The following ARHGAP26 variants were observed in gnomAD, a reference collection of about 807,000 sequenced individuals.
ARHGAP26 encodes the protein rho GTPase-activating protein 26.
Under a neutral mutation model 104.8 loss-of-function variants are expected in ARHGAP26, and 38 were observed. The ratio of observed to expected loss-of-function variants is 0.36; its 90% CI spans 0.28 to 0.48. The LOEUF (loss-of-function observed/expected upper bound fraction) is 0.48. Ranked by LOEUF, ARHGAP26 falls within the 20% of genes least tolerant of loss-of-function variation. The pLI is 0.99. For synonymous variants in ARHGAP26, 341 were observed against 340.0 expected (o/e 1.00, Z -0.03); for missense variants, 704 against 947.9 (o/e 0.74, Z 3.38).
At chr5:142,954,574 A>C (rs1768911119) in intron 11 of ARHGAP26, among the ~76,000 whole-genome samples, 2 of 152,092 alleles carry the variant, frequency 1.3e-5, no homozygotes, top group African/African-American at 4.8e-5. Context: ...CTTCTCATCC[A>C]GCATCTCTAC....
chr5:143,195,135 CTCTT>C (rs1420639193), intron 20 of ARHGAP26, among the ~76,000 whole-genome samples: 4 of 152,246 alleles, frequency 2.6e-5, no homozygotes, highest in African/African-American at 9.6e-5. Context: ...AAGTTCATCT[CTCTT>C]TCTCTCTCTG....
At chr5:142,844,961 C>G (rs1276249379) in intron 1 of ARHGAP26, among the ~76,000 whole-genome samples, 1 of 152,102 alleles carries the variant, frequency 6.6e-6, no homozygotes, top group Non-Finnish European at 1.5e-5. Flanking sequence ...TTAACTGAGA[C>G]CAGCACGTGT....
chr5:143,057,617 T>C (rs747451515), intron 16 of ARHGAP26, 25 bp from the exon 17 acceptor site: 2 of 1,598,952 alleles, frequency 1.3e-6, no homozygotes, highest in South Asian at 1.1e-5. Flanking sequence ...ACTGATAAGA[T>C]ATTACCTCCC....
chr5:142,790,308 A>G (rs910554632), intron 1 of ARHGAP26, among the ~76,000 whole-genome samples: 8 of 152,154 alleles, frequency 5.3e-5, no homozygotes, highest in African/African-American at 1.9e-4. Flanking sequence ...ATAGTTGGTG[A>G]CCACAGTGTT....
At chr5:143,054,586 A>T (rs777863004) in intron 15 of ARHGAP26, 60 bp downstream of exon 15, 73 of 1,303,532 alleles carry the variant, frequency 5.6e-5, no homozygotes, top group Admixed American at 4.6e-4. Flanking sequence ...TCAGGAAGAA[A>T]GCAGTTTTAT....
intron 20 of ARHGAP26, among the ~76,000 whole-genome samples, chr5:143,183,437 A>G (rs1804692173): frequency 6.6e-6 from 1 of 152,134 alleles, no homozygotes; most frequent in Non-Finnish European, 1.5e-5. Flanking sequence ...GTTAACTCTT[A>G]GTACTATTAG....
At chr5:142,858,057 G>GA (rs1490749726) in intron 1 of ARHGAP26, among the ~76,000 whole-genome samples, 1 of 143,802 alleles carries the variant, frequency 7.0e-6, no homozygotes, top group Admixed American at 6.9e-5. Context: ...GAGAGAGAGA[G>GA]AATCTGTGTG....
At chr5:142,901,783 A>AG (rs1417612134) in intron 6 of ARHGAP26, 152 bp from the exon 7 acceptor site, 3 of 617,364 alleles carry the variant, frequency 4.9e-6, no homozygotes, top group Non-Finnish European at 8.6e-6. Context: ...GGAAGGGCAT[A>AG]GTGCCTGGCA....
chr5:142,930,170 C>G (rs1764507176), intron 10 of ARHGAP26, among the ~76,000 whole-genome samples: 1 of 152,202 alleles, frequency 6.6e-6, no homozygotes, highest in African/African-American at 2.4e-5. Flanking sequence ...CTTGAGAGTT[C>G]TGCAATAGAC....
At chr5:143,176,499 T>G (rs1217553077) in intron 20 of ARHGAP26, among the ~76,000 whole-genome samples, 1 of 152,204 alleles carries the variant, frequency 6.6e-6, no homozygotes, top group Non-Finnish European at 1.5e-5. Context: ...CCTCCTCTGG[T>G]TCTTCTTCCT....
chr5:142,888,483 T>A (rs975839808), intron 5 of ARHGAP26, among the ~76,000 whole-genome samples: 5 of 152,238 alleles, frequency 3.3e-5, no homozygotes, highest in African/African-American at 1.2e-4. Context: ...TATGTATTGA[T>A]CATTTTCTTC....
chr5:142,850,372 GCT>G (rs147891891), intron 1 of ARHGAP26, among the ~76,000 whole-genome samples: 3 of 149,886 alleles, frequency 2.0e-5, no homozygotes, highest in African/African-American at 2.4e-5. Context: ...TATTACAGAT[GCT>G]CTCTCTCTCT....
chr5:142,835,548 C>T (rs1442108824), intron 1 of ARHGAP26, among the ~76,000 whole-genome samples: 3 of 152,184 alleles, frequency 2.0e-5, no homozygotes, highest in South Asian at 2.1e-4. Context: ...TTTGACTTGT[C>T]TTTTACCCAG....
At chr5:142,858,333 C>A (rs981378176) in intron 1 of ARHGAP26, among the ~76,000 whole-genome samples, 1 of 152,048 alleles carries the variant, frequency 6.6e-6, no homozygotes, top group African/African-American at 2.4e-5. Flanking sequence ...ATCAGTGGTA[C>A]CTTGAAAACA....
intron 17 of ARHGAP26, among the ~76,000 whole-genome samples, chr5:143,072,019 T>G (rs1788344407): frequency 1.3e-5 from 2 of 152,092 alleles, no homozygotes; most frequent in South Asian, 4.2e-4. Flanking sequence ...GAGAAAATGT[T>G]TGCAAACTAC....
chr5:143,070,566 G>T (rs1451357611), intron 17 of ARHGAP26, among the ~76,000 whole-genome samples: 2 of 152,166 alleles, frequency 1.3e-5, no homozygotes, highest in African/African-American at 4.8e-5. Context: ...ATTGTTAACA[G>T]GACAGCACTA....
At chr5:142,774,585 T>G (rs1184071586) in intron 1 of ARHGAP26, among the ~76,000 whole-genome samples, 1 of 152,232 alleles carries the variant, frequency 6.6e-6, no homozygotes, top group Non-Finnish European at 1.5e-5. Flanking sequence ...AATATAACAT[T>G]ATTAACTAAA....
intron 1 of ARHGAP26, among the ~76,000 whole-genome samples, chr5:142,808,764 A>G (rs1054322379): frequency 2.6e-5 from 4 of 152,118 alleles, no homozygotes; most frequent in African/African-American, 9.7e-5. Flanking sequence ...AGATGGACCA[A>G]TCAACCCCAC....
intron 20 of ARHGAP26, among the ~76,000 whole-genome samples, chr5:143,204,556 A>G (rs1369337615): frequency 6.6e-6 from 1 of 152,226 alleles, no homozygotes; most frequent in Non-Finnish European, 1.5e-5. Context: ...ATACTACGGT[A>G]ATTGACATGG....
Sources: allele counts gnomAD v4.1 joint callset (sites outside exome capture counted in the v4.1 genomes callset), GRCh38; gene constraint gnomAD v4.1.1; transcripts MANE v1.5; gene names NCBI Gene and HGNC (gene_info 2026-07-23, HGNC 2026-07-21).